SORCS3: variants seen among roughly 807,000 people sequenced by gnomAD.
The protein encoded by SORCS3 is VPS10 domain-containing receptor SorCS3.
In SORCS3, 57 loss-of-function variants were observed where a neutral mutation model predicts 146.3. That is an observed-to-expected ratio of 0.39 (90% confidence interval 0.31 to 0.49). The LOEUF (loss-of-function observed/expected upper bound fraction) is 0.49. SORCS3 is among the 20% of genes least tolerant of loss of function. SORCS3 has a pLI of 0.92. For synonymous variants in SORCS3, 653 were observed against 618.5 expected, an observed-to-expected ratio of 1.06 and a Z score of -0.83; for missense variants, 1,341 against 1,575.5, an observed-to-expected ratio of 0.85 and a Z score of 2.52.
At chr10:104,645,887 C>T (rs2015489978) in intron 1 of SORCS3, among the ~76,000 whole-genome samples, 1 of 152,206 alleles carries the variant, frequency 6.6e-6, no homozygotes, top group Non-Finnish European at 1.5e-5. Context: ...TTTCAAATAG[C>T]TTTTGGCTGG....
chr10:105,141,301 C>T (rs1469854640), intron 8 of SORCS3, among the ~76,000 whole-genome samples: 3 of 152,108 alleles, frequency 2.0e-5, no homozygotes, highest in Non-Finnish European at 4.4e-5. Flanking sequence ...AGCAGCTTCT[C>T]ATTAATATGA....
chr10:104,853,085 G>A (rs189532085), intron 2 of SORCS3, among the ~76,000 whole-genome samples: 1 of 152,202 alleles, frequency 6.6e-6, no homozygotes, highest in Non-Finnish European at 1.5e-5. Context: ...GGATCACAAA[G>A]TCAGGAGTTC....
Position 104,837,216 on chromosome 10 carries a change from G to T in SORCS3, c.628-5576G>T, listed in dbSNP as rs139004009. ...GATTTCTGACCTCAAGGAGGTCACA[G>T]TCTAACAGGGAAGACAGACATACAG... On this transcript the variant is annotated intron_variant, in intron 1 of 26. Coordinates refer to ENST00000369701, the MANE Select transcript of SORCS3 (RefSeq NM_014978.3). Among the ~76,000 whole-genome samples, 47 of 152,268 alleles carry T rather than the reference G, an allele frequency of 3.1e-4. No homozygotes were observed. In the East Asian group the frequency reaches 7.4e-3, roughly 24 times the overall value.
chr10:105,130,950 AAAG>A (rs2056014379), intron 7 of SORCS3, among the ~76,000 whole-genome samples: 1 of 152,146 alleles, frequency 6.6e-6, no homozygotes, highest in African/African-American at 2.4e-5. Context: ...GGTCCCTAGG[AAAG>A]CAGTGTTGGA....
At chr10:104,758,706 A>G (rs1384372714) in intron 1 of SORCS3, among the ~76,000 whole-genome samples, 1 of 152,166 alleles carries the variant, frequency 6.6e-6, no homozygotes, top group Non-Finnish European at 1.5e-5. Context: ...TCTAGCTGGT[A>G]CTTTGGGATA....
chr10:105,236,844 A>G (rs1478920309), intron 20 of SORCS3, among the ~76,000 whole-genome samples: 1 of 152,150 alleles, frequency 6.6e-6, no homozygotes, highest in East Asian at 1.9e-4. Flanking sequence ...CAAGGATACT[A>G]TAATATGTAA....
intron 1 of SORCS3, among the ~76,000 whole-genome samples, chr10:104,789,860 C>T (rs1241748190): frequency 6.6e-6 from 1 of 152,190 alleles, no homozygotes; most frequent in African/African-American, 2.4e-5. Flanking sequence ...CACTGTTTCC[C>T]CTGCCTGGTT....
chr10:105,096,997 T>C (rs751124815), intron 6 of SORCS3, among the ~76,000 whole-genome samples: 3 of 152,130 alleles, frequency 2.0e-5, no homozygotes, highest in Non-Finnish European at 4.4e-5. Context: ...ATTTAAAAGG[T>C]CATTTGTGGC....
chr10:104,762,375 T>C (rs2017130980), intron 1 of SORCS3, among the ~76,000 whole-genome samples: 1 of 152,202 alleles, frequency 6.6e-6, no homozygotes, highest in Non-Finnish European at 1.5e-5. Flanking sequence ...TGTTAGTGAA[T>C]GCAGAGCTGG....
At chr10:105,225,200 G>GTTTTATAGT (rs1048566551) in intron 20 of SORCS3, among the ~76,000 whole-genome samples, 3 of 151,876 alleles carry the variant, frequency 2.0e-5, no homozygotes, top group African/African-American at 7.3e-5. Flanking sequence ...TCTTCTAGGA[G>GTTTTATAGT]TTTTATAGTT....
intron 16 of SORCS3, among the ~76,000 whole-genome samples, chr10:105,207,061 G>C (rs1027876684): frequency 2.0e-5 from 3 of 152,058 alleles, no homozygotes; most frequent in South Asian, 4.1e-4. Flanking sequence ...TGGGGACTAG[G>C]GCCCTCCTTA....
intron 3 of SORCS3, among the ~76,000 whole-genome samples, chr10:104,957,262 A>G (rs1282648723): frequency 2.0e-5 from 3 of 152,352 alleles, no homozygotes; most frequent in Admixed American, 6.5e-5. Flanking sequence ...TTAAAAACCT[A>G]TAAATTACAC....
At chr10:104,729,783 A>G (rs1305500137) in intron 1 of SORCS3, among the ~76,000 whole-genome samples, 1 of 152,192 alleles carries the variant, frequency 6.6e-6, no homozygotes, top group Non-Finnish European at 1.5e-5. Context: ...CACGCCTGTC[A>G]GGAGGTGACT....
At chr10:104,751,964 T>TATAA (rs2016992580) in intron 1 of SORCS3, among the ~76,000 whole-genome samples, 1 of 107,046 alleles carries the variant, frequency 9.3e-6, no homozygotes, top group Non-Finnish European at 1.8e-5. Context: ...TATATATATA[T>TATAA]ATATAATAGT....
chr10:105,250,212 A>G (rs2056890704), intron 22 of SORCS3, among the ~76,000 whole-genome samples: 1 of 152,066 alleles, frequency 6.6e-6, no homozygotes, highest in Non-Finnish European at 1.5e-5. Flanking sequence ...TTATGACCTA[A>G]TCACCTCTCA....
rs564229807 is a variant in SORCS3 at position 105,012,867 on chromosome 10, G to A, written c.955-30188G>A. 3.3e-5 allele frequency among the ~76,000 whole-genome samples: 5 copies of A among 152,240 alleles called. No homozygotes were observed. In the East Asian group the frequency reaches 9.7e-4, roughly 29 times the overall value. Reference sequence around the variant, plus strand: ...TTGGGCTTTAAAGTCAGACAGACCTGAGGCCAAGTTTTACCTTTATTCATG... The same window carrying A: ...TTGGGCTTTAAAGTCAGACAGACCTAAGGCCAAGTTTTACCTTTATTCATG... On this transcript the variant is annotated intron_variant, in intron 4 of 26. Transcript: ENST00000369701.
At chr10:105,078,179 A>T (rs1002675743) in intron 5 of SORCS3, among the ~76,000 whole-genome samples, 2 of 152,230 alleles carry the variant, frequency 1.3e-5, no homozygotes, top group African/African-American at 4.8e-5. Flanking sequence ...AATGAATGAA[A>T]TCTGTTTCAC....
chr10:104,826,190 G>T (rs1287483154), intron 1 of SORCS3, among the ~76,000 whole-genome samples: 2 of 152,120 alleles, frequency 1.3e-5, no homozygotes, highest in East Asian at 3.9e-4. Flanking sequence ...CTCATTATCT[G>T]TGTAATACAC....
At chr10:104,735,539 C>A (rs1258626756) in intron 1 of SORCS3, among the ~76,000 whole-genome samples, 1 of 143,610 alleles carries the variant, frequency 7.0e-6, no homozygotes, top group Non-Finnish European at 1.5e-5. Flanking sequence ...CTCTGCCCCA[C>A]CATAGGGTTC....
Sources: allele counts gnomAD v4.1 joint callset (sites outside exome capture counted in the v4.1 genomes callset), GRCh38; gene constraint gnomAD v4.1.1; transcripts MANE v1.5; gene names NCBI Gene and HGNC (gene_info 2026-07-23, HGNC 2026-07-21).